MECOM: variants seen among roughly 807,000 people sequenced by gnomAD.
MECOM encodes histone-lysine N-methyltransferase MECOM.
In MECOM, 13 loss-of-function variants were observed where a neutral mutation model predicts 116.3. The observed-to-expected ratio is 0.11, with a 90% CI of 0.07 to 0.18. The LOEUF (loss-of-function observed/expected upper bound fraction) is 0.18. Among genes scored for constraint, MECOM ranks in the 10% least tolerant of loss-of-function variants. The pLI is 1.00. For synonymous variants in MECOM, 528 were observed against 535.2 expected, an observed-to-expected ratio of 0.99 and a Z score of 0.19; for missense variants, 1,299 against 1,509.0, an observed-to-expected ratio of 0.86 and a Z score of 2.31.
intron 1 of MECOM, among the ~76,000 whole-genome samples, chr3:169,584,354 T>G (rs6444862): frequency 1.3e-5 from 2 of 150,966 alleles, no homozygotes; most frequent in Non-Finnish European, 3.0e-5. Context: ...TCACGAGGTC[T>G]GGAGATAGAG....
chr3:169,206,916 T>C (rs1458593461), intron 2 of MECOM, among the ~76,000 whole-genome samples: 1 of 152,142 alleles, frequency 6.6e-6, no homozygotes, highest in African/African-American at 2.4e-5. Context: ...TTTATGATTT[T>C]ATTATATTTG....
intron 2 of MECOM, among the ~76,000 whole-genome samples, chr3:169,149,931 CTCTCTGTGTGTGTGTG>C (rs1740898678): frequency 8.0e-6 from 1 of 124,272 alleles, no homozygotes; most frequent in Admixed American, 8.4e-5. Context: ...CTCTTTCTCT[CTCTCTGTGTGTGTGTG>C]TGTGTGTGTG....
chr3:169,473,001 A>G, intron 1 of MECOM: 1 of 981,588 alleles, frequency 1.0e-6, no homozygotes. Flanking sequence ...ACCATGCCAA[A>G]TGTCAAAGAT....
intron 1 of MECOM, among the ~76,000 whole-genome samples, chr3:169,558,116 G>A (rs1762243689): frequency 6.6e-6 from 1 of 152,068 alleles, no homozygotes; most frequent in African/African-American, 2.4e-5. Context: ...CATTCCAAAT[G>A]GTTCTCCCTG....
chr3:169,225,632 C>T (rs976297835), intron 2 of MECOM, among the ~76,000 whole-genome samples: 1 of 152,162 alleles, frequency 6.6e-6, no homozygotes, highest in Admixed American at 6.5e-5. Context: ...TTTGTTTTTA[C>T]ACTGTCTTGC....
At chr3:169,630,021 T>C (rs143340747) in intron 1 of MECOM, among the ~76,000 whole-genome samples, 3 of 152,298 alleles carry the variant, frequency 2.0e-5, no homozygotes, top group East Asian at 1.9e-4. Context: ...TGCTCCTCCA[T>C]TGGCCATCTG....
intron 1 of MECOM, among the ~76,000 whole-genome samples, chr3:169,468,261 C>T (rs552083427): frequency 6.6e-6 from 1 of 152,214 alleles, no homozygotes; most frequent in African/African-American, 2.4e-5. Context: ...AACTCCTGCC[C>T]CTTCCTTTAT....
chr3:169,262,881 A>G (rs969663900), intron 2 of MECOM, among the ~76,000 whole-genome samples: 1 of 151,540 alleles, frequency 6.6e-6, no homozygotes, highest in Non-Finnish European at 1.5e-5. Flanking sequence ...AGTTACATTA[A>G]AGATGCCCCA....
intron 1 of MECOM, among the ~76,000 whole-genome samples, chr3:169,504,527 T>C (rs985921207): frequency 4.6e-5 from 7 of 152,318 alleles, no homozygotes; most frequent in Admixed American, 3.3e-4. Context: ...TATTCCACTT[T>C]ATTTTCATGT....
At chr3:169,485,378 A>G (rs1751996979) in intron 1 of MECOM, among the ~76,000 whole-genome samples, 1 of 152,186 alleles carries the variant, frequency 6.6e-6, no homozygotes, top group Admixed American at 6.6e-5. Context: ...ATATTAACCA[A>G]TCACTTTGTA....
At chr3:169,502,116 T>C (rs1024986247) in intron 1 of MECOM, among the ~76,000 whole-genome samples, 9 of 152,128 alleles carry the variant, frequency 5.9e-5, no homozygotes, top group East Asian at 5.8e-4. Context: ...AGGATCTACT[T>C]CCTTTTCCTA....
At chr3:169,620,290 A>G (rs1770556840) in intron 1 of MECOM, among the ~76,000 whole-genome samples, 2 of 152,110 alleles carry the variant, frequency 1.3e-5, no homozygotes, top group African/African-American at 4.8e-5. Flanking sequence ...AATAACATTC[A>G]TTTCTGCTTC....
chr3:169,204,557 T>C (rs2149457396), intron 2 of MECOM, among the ~76,000 whole-genome samples: 1 of 152,320 alleles, frequency 6.6e-6, no homozygotes, highest in African/African-American at 2.4e-5. Flanking sequence ...TCTTAATCTA[T>C]AGTAGACCTA....
chr3:169,499,618 G>GAA (rs11423483), intron 1 of MECOM, among the ~76,000 whole-genome samples: 1 of 150,224 alleles, frequency 6.7e-6, no homozygotes, highest in Admixed American at 6.6e-5. Flanking sequence ...CGACCAGGGG[G>GAA]AAAAAAAAAG....
intron 1 of MECOM, among the ~76,000 whole-genome samples, chr3:169,588,616 T>A (rs1766034085): frequency 6.6e-6 from 1 of 152,212 alleles, no homozygotes; most frequent in African/African-American, 2.4e-5. Context: ...TGGAGAGATT[T>A]TTTTTTAAGC....
chr3:169,517,469 G>A (rs1240729607), intron 1 of MECOM, among the ~76,000 whole-genome samples: 1 of 152,108 alleles, frequency 6.6e-6, no homozygotes, highest in Non-Finnish European at 1.5e-5. Flanking sequence ...ACTATAAGGG[G>A]AAAAAAGATA....
At chr3:169,100,806 T>G (rs1723323301) in intron 12 of MECOM, 79 bp downstream of exon 12, 1 of 814,750 alleles carries the variant, frequency 1.2e-6, no homozygotes, top group South Asian at 4.0e-5. Flanking sequence ...TTATAAACTT[T>G]AATTATTATT....
intron 1 of MECOM, among the ~76,000 whole-genome samples, chr3:169,523,331 A>C (rs1757574645): frequency 6.6e-6 from 1 of 152,130 alleles, no homozygotes; most frequent in Non-Finnish European, 1.5e-5. Context: ...CAGATTTTAC[A>C]ACCTGGTTCT....
intron 2 of MECOM, among the ~76,000 whole-genome samples, chr3:169,325,995 A>G (rs1469340071): frequency 6.6e-6 from 1 of 152,244 alleles, no homozygotes; most frequent in Non-Finnish European, 1.5e-5. Flanking sequence ...GAGCCATAAA[A>G]GGCTTAGAAG....
Sources: allele counts gnomAD v4.1 joint callset (sites outside exome capture counted in the v4.1 genomes callset), GRCh38; gene constraint gnomAD v4.1.1; transcripts MANE v1.5; gene names NCBI Gene and HGNC (gene_info 2026-07-23, HGNC 2026-07-21).